CCDC181: variants seen among roughly 807,000 people sequenced by gnomAD.
CCDC181 encodes the protein coiled-coil domain containing 181.
Under a neutral mutation model 58.7 loss-of-function variants are expected in CCDC181, and 35 were observed. That is an observed-to-expected ratio of 0.60 (90% CI 0.46 to 0.79). CCDC181 has a LOEUF of 0.79. CCDC181 is among the 30% of genes least tolerant of loss of function. CCDC181 has a pLI of 0.00. For missense variants in CCDC181, 517 were observed against 583.9 expected (o/e 0.89, Z 1.18); for synonymous variants, 183 against 197.5 (o/e 0.93, Z 0.62).
At chr1:169,456,435 G>A (rs1342356341) in intron 2 of CCDC181, among the ~76,000 whole-genome samples, 1 of 148,326 alleles carries the variant, frequency 6.7e-6, no homozygotes, top group East Asian at 1.9e-4. Flanking sequence ...TTATTAATTA[G>A]TAAAGCTAAT....
chr1:169,397,472 A>T, intron 4 of CCDC181, 81 bp from the exon 5 acceptor site: 1 of 1,258,818 alleles, frequency 7.9e-7, no homozygotes, highest in Non-Finnish European at 1.1e-6. Context: ...TCCTACAAGA[A>T]TATATTTCCT....
At chr1:169,452,183 A>G (rs1469035749) in intron 2 of CCDC181, among the ~76,000 whole-genome samples, 1 of 152,100 alleles carries the variant, frequency 6.6e-6, no homozygotes, top group Non-Finnish European at 1.5e-5. Flanking sequence ...GTCAGGAAGA[A>G]GAGGAAGAAC....
chr1:169,421,054 T>C (rs1376311712), intron 3 of CCDC181, among the ~76,000 whole-genome samples: 2 of 152,182 alleles, frequency 1.3e-5, no homozygotes, highest in Non-Finnish European at 2.9e-5. Context: ...CATATCAAGA[T>C]TACTTTCAGC....
At chr1:169,421,181 A>G (rs1182871987) in intron 3 of CCDC181, among the ~76,000 whole-genome samples, 182 bp downstream of exon 3, 1 of 152,244 alleles carries the variant, frequency 6.6e-6, no homozygotes, top group Non-Finnish European at 1.5e-5. Context: ...TACAAGGACC[A>G]AAGTAATCAC....
Position 169,397,380 on chromosome 1 carries a change from TCTGTTTTC to T in CCDC181, c.1219_1226del (p.Glu407ArgfsTer11). On this transcript the variant is annotated frameshift_variant, in exon 5 of 6. Coordinates refer to ENST00000367806, the MANE Select transcript of CCDC181 (RefSeq NM_001300969.2). LOFTEE classifies it high-confidence loss of function. ...ATAATCGAAAAGCTTGTTGTGGATC[TCTGTTTTC>T]CTGCTGATTAGAAAAACAAGCTTTA... is the stretch of plus-strand genomic sequence containing the variant. 5 of 1,603,182 alleles carry T rather than the reference TCTGTTTTC, an allele frequency of 3.1e-6. No individual in the cohort carries two copies. In the Admixed American group the frequency reaches 8.6e-5, roughly 28 times the overall value.
In CCDC181 at chr1:169,448,100, G is replaced by T. The variant is rs567348297; in HGVS notation, c.-24+11697C>A. Among the ~76,000 whole-genome samples the T allele has an allele frequency of 1.2e-4, 19 of 152,128 alleles. No homozygotes were observed. In the South Asian group the frequency reaches 2.1e-3, roughly 17 times the overall value. ...GTATACTGTTTCACATGTAGTGCAG[G>T]TACCTAATAACAGAGTTGTCCCAGT... is the stretch of plus-strand genomic sequence containing the variant. On this transcript the variant is annotated intron_variant, in intron 2 of 6. Transcript: ENST00000545005.
chr1:169,397,253 C>A lies in CCDC181; in HGVS notation c.1354G>T (p.Glu452Ter), dbSNP rs1330230510. The stretch of plus-strand genomic sequence containing the variant: ...TTAACTTACTGTTTAAAGGCCCTTT[C>A]CCGGCCTTCTGTTCCTTTAAGGAAG... ...LFFLKGTEGR[E>*]RAFKQWLRRK... The change falls in exon 5 of 6, where the codon GAA becomes TAA. Residue 452 changes from glutamate (E) to a stop codon, truncating the protein, a stop_gained. Transcript: ENST00000367806. LOFTEE classifies it high-confidence loss of function. 3.7e-6 allele frequency: 6 copies of A among 1,601,860 alleles called. No individual in the cohort carries two copies. Among genetic ancestry groups the A allele is most frequent in the Non-Finnish European group, 5.1e-6 (6 of 1,175,134 alleles).
chr1:169,417,159 A>G (rs1169020784), intron 4 of CCDC181, among the ~76,000 whole-genome samples: 1 of 152,146 alleles, frequency 6.6e-6, no homozygotes, highest in Non-Finnish European at 1.5e-5. Context: ...GTATCCTACA[A>G]TTTAATCCGA....
chr1:169,423,649 T>C (rs1021589154), intron 2 of CCDC181, among the ~76,000 whole-genome samples: 3 of 152,138 alleles, frequency 2.0e-5, no homozygotes, highest in East Asian at 3.9e-4. Context: ...TGATAGGTGA[T>C]CATTAATACT....
At chr1:169,452,672 C>T (rs1257184994) in intron 2 of CCDC181, 2 of 152,060 alleles carry the variant, frequency 1.3e-5, no homozygotes, top group Non-Finnish European at 1.5e-5. Flanking sequence ...CTAAAATAAG[C>T]CATTTTCTCC....
chr1:169,426,438 G>C (rs1253109621), intron 1 of CCDC181, among the ~76,000 whole-genome samples: 1 of 152,156 alleles, frequency 6.6e-6, no homozygotes, highest in Non-Finnish European at 1.5e-5. Flanking sequence ...AAACGGCTTA[G>C]ACCAGCTCTA....
chr1:169,405,768 CA>C (rs1340809463), intron 4 of CCDC181, among the ~76,000 whole-genome samples: 1 of 152,056 alleles, frequency 6.6e-6, no homozygotes, highest in Non-Finnish European at 1.5e-5. Context: ...ATGACTAAAA[CA>C]AAAGCAATGG....
At chr1:169,424,503 G>A (rs1557872304) in intron 2 of CCDC181, among the ~76,000 whole-genome samples, 1 of 151,540 alleles carries the variant, frequency 6.6e-6, no homozygotes, top group African/African-American at 2.4e-5. Context: ...TTTTACTTTC[G>A]ATGCAATAAA....
intron 4 of CCDC181, among the ~76,000 whole-genome samples, chr1:169,398,544 G>A (rs1224400593): frequency 6.6e-6 from 1 of 152,138 alleles, no homozygotes; most frequent in African/African-American, 2.4e-5. Flanking sequence ...AGGCACTAAA[G>A]TACTGGGTTG....
intron 4 of CCDC181, among the ~76,000 whole-genome samples, chr1:169,412,498 G>A (rs947190863): frequency 6.6e-5 from 10 of 152,082 alleles, no homozygotes; most frequent in African/African-American, 1.4e-4. Context: ...TACCATTGAC[G>A]TTCTTCACAG....
At chr1:169,454,942 A>C (rs976151804) in intron 2 of CCDC181, among the ~76,000 whole-genome samples, 3 of 152,000 alleles carry the variant, frequency 2.0e-5, no homozygotes, top group Non-Finnish European at 4.4e-5. Context: ...GTACAATACA[A>C]CATAGACGGC....
At chr1:169,458,778 T>C (rs1042358149) in intron 2 of CCDC181, among the ~76,000 whole-genome samples, 2 of 152,122 alleles carry the variant, frequency 1.3e-5, no homozygotes, top group African/African-American at 2.4e-5. Context: ...CTGTTTGTTG[T>C]TCTGCTGACT....
intron 2 of CCDC181, among the ~76,000 whole-genome samples, chr1:169,444,467 C>T (rs966475087): frequency 6.6e-6 from 1 of 152,204 alleles, no homozygotes; most frequent in East Asian, 1.9e-4. Flanking sequence ...CAGCAAAGTC[C>T]AGACACGTTC....
chr1:169,418,911 A>G lies in CCDC181; in HGVS notation c.1215+102T>C, dbSNP rs921472124. 5.5e-6 allele frequency: 5 copies of G among 903,242 alleles called. No individual in the cohort carries two copies. The African/African-American group carries it at 6.8e-5, about 12-fold the overall frequency. The allele number at this position is 903,242 out of a possible 1,614,324, so 56.0% of individuals were successfully genotyped here. A position where few individuals can be genotyped will look rare whatever the true frequency, so the allele number is the denominator to read the frequency against. On this transcript the variant is annotated intron_variant, in intron 4 of 5. Coordinates refer to ENST00000367806, the MANE Select transcript of CCDC181 (RefSeq NM_001300969.2). ...AGGGTAGTTCTTGAACAACTTTTCT[A>G]CTTCTTCCATAGGCTGTTAGTCTGA...
Sources: allele counts gnomAD v4.1 joint callset (sites outside exome capture counted in the v4.1 genomes callset), GRCh38; gene constraint gnomAD v4.1.1; transcripts MANE v1.5; gene names NCBI Gene and HGNC (gene_info 2026-07-23, HGNC 2026-07-21).